Variants in ZNF565 observed in about 807,000 individuals in gnomAD.
ZNF565 encodes zinc finger protein 565.
ZNF565 carries 27 observed loss-of-function variants against 39.4 expected under a neutral mutation model. That is an observed-to-expected ratio of 0.69 (90% CI 0.51 to 0.95). The LOEUF is 0.95. ZNF565 is among the 40% of genes least tolerant of loss of function. The pLI is 0.00. For missense variants in ZNF565, 524 were observed against 621.1 expected (o/e 0.84, Z 1.66); for synonymous variants, 185 against 216.6 (o/e 0.85, Z 1.28).
At chr19:36,204,615 TTTAA>T (rs1456222409) in intron 1 of ZNF565, among the ~76,000 whole-genome samples, 4 of 152,216 alleles carry the variant, frequency 2.6e-5, no homozygotes, top group Admixed American at 6.5e-5. Flanking sequence ...TTTATTTTAT[TTTAA>T]TTAATTTAAT....
chr19:36,234,554 C>T (rs886464554), intron 1 of ZNF565, among the ~76,000 whole-genome samples: 19 of 152,174 alleles, frequency 1.2e-4, no homozygotes, highest in African/African-American at 4.1e-4. Flanking sequence ...CTCGCCACCA[C>T]GCCCGGCTAA....
intron 1 of ZNF565, among the ~76,000 whole-genome samples, chr19:36,233,622 A>C (rs1320439128): frequency 6.6e-6 from 1 of 152,176 alleles, no homozygotes; most frequent in Non-Finnish European, 1.5e-5. Context: ...GTCAGCAGGA[A>C]AACGTGAACA....
chr19:36,196,044 C>G (rs967586791), intron 2 of ZNF565, among the ~76,000 whole-genome samples: 1 of 151,266 alleles, frequency 6.6e-6, no homozygotes, highest in African/African-American at 2.4e-5. Context: ...TCAAGCAATT[C>G]TTCTGCTTCA....
chr19:36,202,884 C>T lies in ZNF565; in HGVS notation c.-65-834G>A, dbSNP rs192859343. Reference sequence around the variant, plus strand: ...ATGTCTCCAGCCCCAGCTATACTCACCAGACAGGAGCAAGAAAGCCTCAGT... The same window carrying T: ...ATGTCTCCAGCCCCAGCTATACTCATCAGACAGGAGCAAGAAAGCCTCAGT... On this transcript the variant is annotated intron_variant, in intron 1 of 4. Transcript: ENST00000304116. Among the ~76,000 whole-genome samples, 3 of 152,274 alleles carry T rather than the reference C, an allele frequency of 2.0e-5. No individual in the cohort carries two copies. The East Asian group carries it at 5.8e-4, about 29-fold the overall frequency.
upstream of ZNF565, among the ~76,000 whole-genome samples, chr19:36,218,632 ATTTT>A (rs1976712276): frequency 6.6e-6 from 1 of 151,198 alleles, no homozygotes; most frequent in African/African-American, 2.4e-5. Context: ...CGCCTGGCTA[ATTTT>A]GTTTTTGTAT....
chr19:36,223,305 T>C (rs931537376), intron 1 of ZNF565, among the ~76,000 whole-genome samples: 1 of 150,472 alleles, frequency 6.6e-6, no homozygotes, highest in Admixed American at 6.6e-5. Flanking sequence ...ATCACACCAC[T>C]GCACTTTAGC....
upstream of ZNF565, among the ~76,000 whole-genome samples, chr19:36,217,413 A>C (rs978640892): frequency 3.3e-5 from 5 of 152,068 alleles, no homozygotes; most frequent in African/African-American, 1.2e-4. Context: ...AAAGAAAAGA[A>C]AAACAGTTCA....
At chr19:36,221,927 C>CTTTTTTTTTTTTTTT (rs60347994) in intron 1 of ZNF565, among the ~76,000 whole-genome samples, 2 of 109,910 alleles carry the variant, frequency 1.8e-5, no homozygotes, top group East Asian at 2.8e-4. Flanking sequence ...TTTTTTCTTT[C>CTTTTTTTTTTTTTTT]TTTTTTTTTT....
chr19:36,206,139 T>G (rs540434905), intron 1 of ZNF565, among the ~76,000 whole-genome samples: 1 of 152,216 alleles, frequency 6.6e-6, no homozygotes, highest in African/African-American at 2.4e-5. Flanking sequence ...TGTTTGTAAC[T>G]TTTGTAGAGA....
In ZNF565 at chr19:36,245,919, T is replaced by C; in HGVS notation, c.-389A>G. ...GGATCGCCCCGCGAGATGCAGTCGT[T>C]GAGGGAGTCAGGAGCCCGGGTCTGG... On this transcript the variant is annotated 5_prime_UTR_variant, in exon 1 of 5. Coordinates refer to the ZNF565 transcript ENST00000355114. The surrounding 1 kb of genome is among the most constrained non-coding windows in gnomAD (Gnocchi z 4.4). The C allele has an allele frequency of 4.4e-6, 1 of 228,816 alleles. No individual in the cohort carries two copies. The allele number at this position is 228,816 out of a possible 1,614,324, so 14.2% of individuals were successfully genotyped here.
In ZNF565 at chr19:36,182,529, C is replaced by T. The variant is rs764580463; in HGVS notation, c.1437G>A (p.Glu479=). The change falls in exon 5 of 5, where the codon GAG becomes GAA. Residue 479 remains glutamate (E), a synonymous_variant. Transcript: ENST00000304116. The stretch of plus-strand genomic sequence containing the variant: ...AGCCAAGAATAAATGCCTGCCCACA[C>T]TCTCTACATTCGTAAGGTTTGATAC... The part of the protein sequence containing the change: ...HPGIKPYECR[E]CGQAFILGSQ... 1.6e-5 allele frequency: 26 copies of T among 1,608,292 alleles called. No individual in the cohort carries two copies. Among genetic ancestry groups the T allele is most frequent in the Non-Finnish European group, 2.0e-5 (24 of 1,177,220 alleles).
intron 1 of ZNF565, among the ~76,000 whole-genome samples, chr19:36,209,713 A>C (rs2145362503): frequency 6.6e-6 from 1 of 152,318 alleles, no homozygotes; most frequent in Non-Finnish European, 1.5e-5. Context: ...AACAATCTAT[A>C]TTACACATAA....
In ZNF565 at chr19:36,183,669, C is replaced by A. The variant is rs1217810899; in HGVS notation, c.297G>T (p.Trp99Cys). The change falls in exon 5 of 5, where the codon TGG (tryptophan) becomes TGT (cysteine). Residue 99 changes from tryptophan to cysteine, a missense_variant. Physicochemically the swap from Trp to Cys is radical, Grantham distance 215. Coordinates refer to ENST00000304116, the MANE Select transcript of ZNF565 (RefSeq NM_152477.5). ...KDIFEIGAFNWEIMESLKCSD... is the reference protein window; with the variant it reads ...KDIFEIGAFNCEIMESLKCSD... ...TGCATTTAAGGCTTTCCATTATCTCCCAGTTGAATGCCCCGATTTCAAAAA... is the reference window on the plus strand; with the variant it reads ...TGCATTTAAGGCTTTCCATTATCTCACAGTTGAATGCCCCGATTTCAAAAA... 3.7e-6 allele frequency: 6 copies of A among 1,613,678 alleles called. No homozygotes were observed. The highest frequency in any genetic ancestry group is 5.1e-6 in the Non-Finnish European group (6 of 1,179,812).
intron 1 of ZNF565, chr19:36,237,096 A>G: frequency 6.2e-7 from 1 of 1,614,208 alleles, no homozygotes; most frequent in Non-Finnish European, 8.5e-7. Context: ...GTTTGTGGAA[A>G]AGCCTTCTCT....
intron 1 of ZNF565, among the ~76,000 whole-genome samples, chr19:36,224,685 G>A (rs536171887): frequency 2.6e-5 from 4 of 152,298 alleles, no homozygotes; most frequent in Non-Finnish European, 5.9e-5. Flanking sequence ...CGTTCCAGAG[G>A]GGGAAAAGGT....
At chr19:36,225,393 C>G (rs1440171808) in intron 1 of ZNF565, among the ~76,000 whole-genome samples, 1 of 152,200 alleles carries the variant, frequency 6.6e-6, no homozygotes, top group Non-Finnish European at 1.5e-5. Flanking sequence ...TTTCTTTACT[C>G]ATTTCCTCTG....
At chr19:36,193,590 A>G (rs953612062) in intron 4 of ZNF565, among the ~76,000 whole-genome samples, 37 of 150,988 alleles carry the variant, frequency 2.5e-4, no homozygotes, top group African/African-American at 6.6e-4. Flanking sequence ...ACAGGCGCCT[A>G]CCACCACACC....
At position 36,245,745 on chromosome 19, in the gene ZNF565, T is replaced by TGCA. The variant is rs1319968136; in HGVS notation, c.-216_-215insTGC. 5 of 542,948 alleles carry TGCA rather than the reference T, an allele frequency of 9.2e-6. No homozygotes were observed. The highest frequency in any genetic ancestry group is 9.8e-6 in the Non-Finnish European group (3 of 306,616). 33.6% of individuals were successfully genotyped at this position (542,948 alleles called of 1,614,324 possible). ...GACCCACCCTGGCTCCGTCCACGGT[T>TGCA]GTCGGGGTCCCGGGCTGCTTTTCTT... On this transcript the variant is annotated 5_prime_UTR_variant, in exon 1 of 5. Coordinates refer to the ZNF565 transcript ENST00000355114. This position sits in a 1 kb window ranked among gnomAD's most constrained non-coding sequence, Gnocchi z 4.4.
chr19:36,187,268 A>AT (rs1975335788), intron 4 of ZNF565, among the ~76,000 whole-genome samples: 1 of 152,102 alleles, frequency 6.6e-6, no homozygotes, highest in African/African-American at 2.4e-5. Flanking sequence ...CAAGAAAGTA[A>AT]TTCCATTCAG....
Sources: gnomAD v4.1 joint callset for allele counts (sites outside exome capture counted in the v4.1 genomes callset) on GRCh38, gnomAD v4.1.1 for gene constraint, Gnocchi (gnomAD v3.1) non-coding constraint, MANE v1.5 for transcripts, NCBI Gene and HGNC (gene_info 2026-07-23, HGNC 2026-07-21) for gene names.